The following WDR90 variants were observed in gnomAD, a reference collection of about 807,000 sequenced individuals.
WDR90 encodes the protein WD repeat-containing protein 90.
A neutral mutation model predicts 195.2 loss-of-function variants in WDR90; 238 were observed. The ratio of observed to expected loss-of-function variants is 1.22; its 90% CI spans 1.10 to 1.36. The LOEUF (loss-of-function observed/expected upper bound fraction) is 1.36. Among genes scored for constraint, WDR90 ranks in the 40% most tolerant of loss-of-function variants. The probability of loss-of-function intolerance (pLI) is 0.00; values close to 1 mark genes in which losing one functional copy is unlikely to be tolerated. For missense variants in WDR90, 2,734 were observed against 2,439.5 expected, an observed-to-expected ratio of 1.12 and a Z score of -2.54; for synonymous variants, 1,265 against 1,052.4, an observed-to-expected ratio of 1.20 and a Z score of -3.91.
In WDR90 at chr16:659,278, C is replaced by T. The variant is rs1180026174; in HGVS notation, c.3086C>T (p.Ser1029Phe). 1 of 1,608,178 alleles carries T rather than the reference C, an allele frequency of 6.2e-7. No individual in the cohort carries two copies. The highest frequency in any genetic ancestry group is 2.2e-5 in the East Asian group (1 of 44,598). Residue 1029 changes from serine to phenylalanine, a missense_variant, in exon 26 of 41, where the codon TCC becomes TTC. Coordinates refer to ENST00000293879, the MANE Select transcript of WDR90 (RefSeq NM_145294.5). ...PGAGPLEDAA[S>F]RASELPRQQV... ...GCAGGACCGCTGGAGGACGCAGCGT[C>T]CAGGGCCAGCGAGCTCCCCCGGCAG...
rs1403453905 is a variant in WDR90, at chr16:649,437, G to A, written c.10+11G>A. 5.2e-5 allele frequency: 67 copies of A among 1,299,732 alleles called. No homozygotes were observed. The highest frequency in any genetic ancestry group is 5.8e-5 in the Non-Finnish European group (60 of 1,027,138). The allele number at this position is 1,299,732 out of a possible 1,614,324, so 80.5% of individuals were successfully genotyped here. Reference sequence around the variant, plus strand: ...GCGCCATGGCCCGAGGTAGCGCGCGGCTGGCGGGGGTCCCGAGGATCCCGG... The same window carrying A: ...GCGCCATGGCCCGAGGTAGCGCGCGACTGGCGGGGGTCCCGAGGATCCCGG... On this transcript the variant is annotated intron_variant, in intron 1 of 40. Transcript: ENST00000293879.
Position 653,483 on chromosome 16 carries a change from A to G in WDR90, c.1233+32A>G, listed in dbSNP as rs770902989. On this transcript the variant is annotated intron_variant, in intron 11 of 40. Coordinates refer to ENST00000293879, the MANE Select transcript of WDR90 (RefSeq NM_145294.5). ...GCTGCCCGGGCCTGGGGCAGCTCAC[A>G]CCTGCAGCCCCTACACCCTCCCTCA... The G allele has an allele frequency of 3.6e-5, 58 of 1,612,164 alleles. No homozygotes were observed. The East Asian group carries it at 1.3e-3, about 35-fold the overall frequency.
Position 653,374 on chromosome 16 carries a change from T to G in WDR90, c.1156T>G (p.Tyr386Asp), listed in dbSNP as rs777882260. ...LWTPDGAAVV[Y>D]PCHAVIVVLL... Reference sequence around the variant, plus strand: ...GACCCCAGACGGGGCGGCTGTCGTGTACCCCTGCCATGCGGTCATCGTCGT... The same window carrying G: ...GACCCCAGACGGGGCGGCTGTCGTGGACCCCTGCCATGCGGTCATCGTCGT... Residue 386 changes from tyrosine (Y) to aspartate (D), a missense_variant, in exon 11 of 41, where the codon TAC becomes GAC. Coordinates refer to ENST00000293879, the MANE Select transcript of WDR90 (RefSeq NM_145294.5). 1 of 1,596,110 alleles carries G rather than the reference T, an allele frequency of 6.3e-7. No individual in the cohort carries two copies. The highest frequency in any genetic ancestry group is 8.5e-7 in the Non-Finnish European group (1 of 1,172,830).
rs1417720919 is a variant in WDR90 at position 666,489 on chromosome 16, G to C, written c.4775G>C (p.Trp1592Ser). The change falls in exon 38 of 41, where the codon TGG becomes TCG. Residue 1592 changes from tryptophan (W) to serine (S), a missense_variant. Physicochemically the swap from Trp to Ser is radical, Grantham distance 177. Transcript: ENST00000293879. ...TTAGGGGTGGAGGGCACAGACCTAT[G>C]GCTGGCTGCCAGTGGGGACCAGCGG... ...EDLGVEGTDLWLAASGDQRVS... is the reference protein window; with the variant it reads ...EDLGVEGTDLSLAASGDQRVS... 5 of 1,612,716 alleles carry C rather than the reference G, an allele frequency of 3.1e-6. No individual in the cohort carries two copies. Among genetic ancestry groups the C allele is most frequent in the Non-Finnish European group, 4.2e-6 (5 of 1,179,958 alleles).
chr16:661,065 A>T lies in WDR90; in HGVS notation c.3406A>T (p.Thr1136Ser), dbSNP rs2037901165. ...TCTGCGCACAGGCTTCTTTGCCTAC[A>T]CGTGCGGCCGCCTGGTGGTGGTGGA... ...WRPDTGFFAYTCGRLVVVEDL... is the reference protein window; with the variant it reads ...WRPDTGFFAYSCGRLVVVEDL... The change falls in exon 29 of 41, where the codon ACG becomes TCG. Residue 1136 changes from threonine to serine, a missense_variant. Physicochemically the swap from Thr to Ser is moderately conservative, Grantham distance 58 (BLOSUM62 1). Coordinates refer to ENST00000293879, the MANE Select transcript of WDR90 (RefSeq NM_145294.5). 1.6e-6 allele frequency: 2 copies of T among 1,276,594 alleles called. No homozygotes were observed. The highest frequency in any genetic ancestry group is 2.0e-6 in the Non-Finnish European group (2 of 1,012,016). 79.1% of individuals were successfully genotyped at this position (1,276,594 alleles called of 1,614,324 possible).
rs1567216412 is a variant in WDR90 at position 655,616 on chromosome 16, C to G, written c.1762C>G (p.Gln588Glu). ...RSGHILEIDC[Q>E]RMVVRHARRL... ...TGGCCACATCTTGGAGATTGACTGT[C>G]AGCGCATGGTCGTGCGGCATGCCCG... Residue 588 changes from glutamine (Q) to glutamate (E), a missense_variant, in exon 16 of 41, where the codon CAG (glutamine) becomes GAG (glutamate). Gln to Glu is a conservative substitution (Grantham distance 29). Transcript: ENST00000293879. The G allele has an allele frequency of 1.2e-6, 2 of 1,607,984 alleles. No homozygotes were observed. The highest frequency in any genetic ancestry group is 1.7e-6 in the Non-Finnish European group (2 of 1,177,122).
At chr16:654,035 G>A (rs543085171) in intron 13 of WDR90, 30 of 592,820 alleles carry the variant, frequency 5.1e-5, no homozygotes, top group Admixed American at 3.4e-4. Context: ...CATCGGAGTC[G>A]GTTTAAGCCA....
intron 15 of WDR90, 24 bp downstream of exon 15, chr16:655,492 G>T: frequency 1.3e-6 from 2 of 1,529,378 alleles, no homozygotes. Context: ...CTTCCCCACG[G>T]CCTGCCCCGG....
At position 651,988 on chromosome 16, in the gene WDR90, GT is replaced by G. The variant is rs2037656925; in HGVS notation, c.1004del (p.Leu335Ter). On this transcript the variant is annotated frameshift_variant, in exon 9 of 41. Coordinates refer to ENST00000293879, the MANE Select transcript of WDR90 (RefSeq NM_145294.5). LOFTEE classifies it high-confidence loss of function. ...IHTAAAGTHV[L>X]THESAEVPVA... ...ACACGGCTGCTGCCGGCACCCACGT[GT>G]TGACTCACGAGTCGGCTGAGGTGCC... The G allele has an allele frequency of 1.2e-6, 2 of 1,606,524 alleles. No homozygotes were observed. The highest frequency in any genetic ancestry group is 2.2e-5 in the South Asian group (2 of 90,126).
intron 10 of WDR90, 127 bp downstream of exon 10, chr16:652,662 C>G (rs2037670162): frequency 9.7e-7 from 1 of 1,026,188 alleles, no homozygotes; most frequent in Admixed American, 3.5e-5. Flanking sequence ...GCCCCCCTGG[C>G]ACAGCGGTCC....
At chr16:662,166 C>G in intron 32 of WDR90, 54 bp from the exon 33 acceptor site, 1 of 1,520,882 alleles carries the variant, frequency 6.6e-7, no homozygotes, top group Non-Finnish European at 8.8e-7. Flanking sequence ...AGCCTTGTGA[C>G]CCAGGGCCTC....
In WDR90 at chr16:653,574, A is replaced by T. The variant is rs368820885; in HGVS notation, c.1283A>T (p.Gln428Leu). Residue 428 changes from glutamine to leucine, a missense_variant, in exon 12 of 41, where the codon CAG becomes CTG. Coordinates refer to ENST00000293879, the MANE Select transcript of WDR90 (RefSeq NM_145294.5). ...AGCAGCTCACTATTGGCCTCGGCCC[A>T]GGCAAGGGCCCCTAGTGTGATGCGG... ...DGSSSLLASA[Q>L]ARAPSVMRLW... 4 of 1,613,360 alleles carry T rather than the reference A, an allele frequency of 2.5e-6. No homozygotes were observed. Among genetic ancestry groups the T allele is most frequent in the African/African-American group, 1.3e-5 (1 of 74,930 alleles).
rs746771406 is a variant in WDR90 at position 660,723 on chromosome 16, C to T, written c.3391+9C>T. 6.5e-7 allele frequency: 1 copy of T among 1,547,428 alleles called. No homozygotes were observed. The highest frequency in any genetic ancestry group is 1.9e-5 in the Admixed American group (1 of 52,016). ...CTGGAGGCCGGACACAGGTGGGGGC[C>T]AAGAGCCTACCCCCACCCCCAGCCA... On this transcript the variant is annotated intron_variant, in intron 28 of 40. Coordinates refer to ENST00000293879, the MANE Select transcript of WDR90 (RefSeq NM_145294.5).
At position 661,955 on chromosome 16, in the gene WDR90, CA is replaced by C. The variant is rs1335464219; in HGVS notation, c.3930del (p.Pro1311LeufsTer64). 2.5e-6 allele frequency: 4 copies of C among 1,607,526 alleles called. No individual in the cohort carries two copies. Among genetic ancestry groups the C allele is most frequent in the Admixed American group, 1.7e-5 (1 of 59,986 alleles). On this transcript the variant is annotated frameshift_variant, in exon 32 of 41. Coordinates refer to ENST00000293879, the MANE Select transcript of WDR90 (RefSeq NM_145294.5). LOFTEE classifies it high-confidence loss of function. Reference sequence around the variant, plus strand: ...GAGCTGACCTCGCTCTGCTACGGGGCACCTCCCCTGCTCTATTGTGGCACCA... The same window carrying C: ...GAGCTGACCTCGCTCTGCTACGGGGCCCTCCCCTGCTCTATTGTGGCACCA... ...AGELTSLCYG[A>X]PPLLYCGTSS... is the part of the protein sequence containing the mutation.
chr16:660,010 A>G, intron 26 of WDR90, 48 bp from the exon 27 acceptor site: 1 of 1,394,244 alleles, frequency 7.2e-7, no homozygotes, highest in Non-Finnish European at 9.7e-7. Flanking sequence ...GGGTCTCTGA[A>G]GAGCTCAGGG....
chr16:664,623 G>A (rs1350949386), intron 34 of WDR90, among the ~76,000 whole-genome samples: 1 of 152,124 alleles, frequency 6.6e-6, no homozygotes, highest in African/African-American at 2.4e-5. Context: ...CCCTCCCGGG[G>A]AGATGGACTG....
Position 655,319 on chromosome 16 carries a change from C to A in WDR90, c.1569C>A (p.Cys523Ter). Reference protein sequence around the residue: ...TFFDETRMASCGQGSVRLWRL... With the variant: ...TFFDETRMAS ...TCATTCCTTGCAGGATGGCGTCGTG[C>A]GGGCAGGGCAGTGTGCGGCTCTGGC... The change falls in exon 15 of 41, where the codon TGC becomes TGA. Residue 523 changes from cysteine (C) to a stop codon, truncating the protein, a stop_gained. Coordinates refer to ENST00000293879, the MANE Select transcript of WDR90 (RefSeq NM_145294.5). LOFTEE classifies it high-confidence loss of function. The A allele has an allele frequency of 1.2e-6, 2 of 1,605,250 alleles. No homozygotes were observed. The highest frequency in any genetic ancestry group is 1.6e-4 in the Middle Eastern group (1 of 6,062).
In WDR90 at chr16:662,336, G is replaced by C; in HGVS notation, c.4145+5G>C. On this transcript the variant is annotated splice_donor_5th_base_variant and intron_variant, in intron 33 of 40. Coordinates refer to ENST00000293879, the MANE Select transcript of WDR90 (RefSeq NM_145294.5). ...GTGCAAGGGCTCAGGCGCCAGGTGA[G>C]CTGTTCACCCCTACGTGTTTTGGCT... The C allele has an allele frequency of 5.1e-6, 8 of 1,556,038 alleles. No individual in the cohort carries two copies. Among genetic ancestry groups the C allele is most frequent in the Non-Finnish European group, 6.9e-6 (8 of 1,151,906 alleles).
intron 35 of WDR90, 30 bp from the exon 36 acceptor site, chr16:665,920 T>C (rs374624747): frequency 7.0e-6 from 11 of 1,567,446 alleles, no homozygotes; most frequent in Non-Finnish European, 9.5e-6. Context: ...CCCCTGTGAG[T>C]GCTGAAGTTT....
Sources: gnomAD v4.1 joint callset for allele counts (sites outside exome capture counted in the v4.1 genomes callset) on GRCh38, gnomAD v4.1.1 for gene constraint, MANE v1.5 for transcripts, NCBI Gene and HGNC (gene_info 2026-07-23, HGNC 2026-07-21) for gene names.